The following ETV7 variants were observed in gnomAD, a reference collection of about 807,000 sequenced individuals.
The protein encoded by ETV7 is transcription factor ETV7.
Under a neutral mutation model 39.1 loss-of-function variants are expected in ETV7, and 43 were observed. The ratio of observed to expected loss-of-function variants is 1.10; its 90% confidence interval spans 0.86 to 1.42. The LOEUF is 1.42. Ranked by LOEUF, ETV7 falls within the 40% of genes most tolerant of loss-of-function variation. The pLI, the probability that ETV7 is intolerant of heterozygous loss-of-function variation, is 0.00. For synonymous variants in ETV7, 196 were observed against 176.6 expected (o/e 1.11, Z -0.87); for missense variants, 432 against 442.3 (o/e 0.98, Z 0.21).
At chr6:36,365,136 G>A (rs1474567789), downstream of ETV7, among the ~76,000 whole-genome samples, 1 of 152,198 alleles carries the variant, frequency 6.6e-6, no homozygotes, top group Non-Finnish European at 1.5e-5. Flanking sequence ...TTCTGAGAAA[G>A]AAGATATGAA....
At chr6:36,372,667 A>G (rs936346755) in intron 4 of ETV7, among the ~76,000 whole-genome samples, 1 of 137,814 alleles carries the variant, frequency 7.3e-6, no homozygotes, top group South Asian at 2.7e-4. Flanking sequence ...CATCTGAGCA[A>G]TTGGAAGGGT....
intron 4 of ETV7, among the ~76,000 whole-genome samples, chr6:36,372,707 C>T (rs1773093357): frequency 7.2e-6 from 1 of 139,044 alleles, no homozygotes; most frequent in Non-Finnish European, 1.5e-5. Context: ...CTGGGGAAGA[C>T]TGGAAAGGGC....
chr6:36,373,793 G>A (rs1467565023), intron 3 of ETV7, among the ~76,000 whole-genome samples: 1 of 152,252 alleles, frequency 6.6e-6, no homozygotes, highest in Non-Finnish European at 1.5e-5. Flanking sequence ...ATTTTAGAAA[G>A]ACATCCTTTC....
At chr6:36,372,629 TG>T (rs1773088645) in intron 4 of ETV7, among the ~76,000 whole-genome samples, 1 of 92,562 alleles carries the variant, frequency 1.1e-5, no homozygotes, top group Non-Finnish European at 2.2e-5. Context: ...TTGGGATGAG[TG>T]GGGGTGGGGG....
chr6:36,373,571 G>A lies in ETV7; in HGVS notation c.315C>T (p.Val105=). 3.1e-6 allele frequency: 2 copies of A among 645,774 alleles called. No individual in the cohort carries two copies. Among genetic ancestry groups the A allele is most frequent in the Non-Finnish European group, 5.0e-6 (2 of 402,050 alleles). 40.0% of individuals were successfully genotyped at this position (645,774 alleles called of 1,614,324 possible). A position where few individuals can be genotyped will look rare whatever the true frequency, so the allele number is the denominator to read the frequency against. The change falls in exon 4 of 8, where the codon GTC becomes GTT. Residue 105 remains valine, a synonymous_variant. Coordinates refer to ENST00000340181, the MANE Select transcript of ETV7 (RefSeq NM_016135.4). ...FRHRAPSSGD[V]LYELLQYIKT... ...TGATGTACTGGAGCAGCTCATACAGGACGTCACCTGGAGGTGGGTGGGAGG... is the reference window on the plus strand; with the variant it reads ...TGATGTACTGGAGCAGCTCATACAGAACGTCACCTGGAGGTGGGTGGGAGG...
At chr6:36,375,083 A>G (rs1482412133) in intron 3 of ETV7, among the ~76,000 whole-genome samples, 1 of 151,124 alleles carries the variant, frequency 6.6e-6, no homozygotes, top group Non-Finnish European at 1.5e-5. Context: ...AAAAAAAAAA[A>G]AGAACTTGGG....
rs746819841 is a variant in ETV7, at chr6:36,368,975, C to T, written c.761G>A (p.Arg254Gln). 5 of 1,614,132 alleles carry T rather than the reference C, an allele frequency of 3.1e-6. No homozygotes were observed. The East Asian group carries it at 6.7e-5, about 22-fold the overall frequency. Residue 254 changes from arginine (R) to glutamine (Q), a missense_variant, in exon 6 of 8, where the codon CGA becomes CAA. Coordinates refer to ENST00000340181, the MANE Select transcript of ETV7 (RefSeq NM_016135.4). ...GGCGAGCCCATTTGGATCCACAACT[C>T]GGAAGATCTTGGCGTCCTTGTCTTC... The part of the protein sequence containing the change: ...KWEDKDAKIF[R>Q]VVDPNGLARL...
chr6:36,363,416 G>A (rs992767807), downstream of ETV7, among the ~76,000 whole-genome samples: 19 of 151,832 alleles, frequency 1.3e-4, no homozygotes, highest in African/African-American at 4.4e-4. Context: ...CAGGAGTGAA[G>A]CTGCAGACCT....
At chr6:36,378,301 C>T (rs1050040587) in intron 2 of ETV7, among the ~76,000 whole-genome samples, 3 of 149,336 alleles carry the variant, frequency 2.0e-5, no homozygotes, top group Non-Finnish European at 3.0e-5. Context: ...TCCTCACCTC[C>T]CACCATTCAC....
In ETV7 at chr6:36,366,913, A is replaced by T. The variant is rs1772753336; in HGVS notation, c.870T>A (p.Asn290Lys). Residue 290 changes from asparagine to lysine, a missense_variant, in exon 7 of 8, where the codon AAT becomes AAA. Physicochemically the swap from Asn to Lys is moderately conservative, Grantham distance 94. Transcript: ENST00000340181. The part of the protein sequence containing the change: ...SRALRHYYKL[N>K]IIKKEPGQKL... The stretch of plus-strand genomic sequence containing the variant: ...TCTGCCCCGGTTCCTTCTTAATGAT[A>T]TTAAGCTTATAATAGTGGCGCAGGG... 5.6e-6 allele frequency: 9 copies of T among 1,613,868 alleles called. No individual in the cohort carries two copies. The highest frequency in any genetic ancestry group is 7.6e-6 in the Non-Finnish European group (9 of 1,179,976).
At chr6:36,380,381 G>A (rs1328021484) in intron 2 of ETV7, among the ~76,000 whole-genome samples, 2 of 152,210 alleles carry the variant, frequency 1.3e-5, no homozygotes, top group African/African-American at 2.4e-5. Flanking sequence ...CCAGGCAAAT[G>A]TCACCTCACT....
intron 2 of ETV7, among the ~76,000 whole-genome samples, chr6:36,382,303 A>T (rs866349106): frequency 9.2e-5 from 14 of 152,348 alleles, no homozygotes; most frequent in African/African-American, 2.6e-4. Context: ...TTCAATTTTT[A>T]AAAATATTTA....
At chr6:36,370,944 C>T (rs1582188063) in intron 5 of ETV7, among the ~76,000 whole-genome samples, 1 of 152,274 alleles carries the variant, frequency 6.6e-6, no homozygotes, top group Non-Finnish European at 1.5e-5. Context: ...TGAAATGGGG[C>T]TAATAATAGT....
chr6:36,358,150 C>T (rs951612393), intron 7 of ETV7, among the ~76,000 whole-genome samples: 7 of 152,220 alleles, frequency 4.6e-5, no homozygotes, highest in Middle Eastern at 3.2e-3. Context: ...CTAACTGATA[C>T]AGTAGCTGCA....
chr6:36,369,158 C>G, intron 5 of ETV7, 87 bp from the exon 6 acceptor site: 1 of 1,508,230 alleles, frequency 6.6e-7, no homozygotes, highest in Admixed American at 1.8e-5. Flanking sequence ...GGAAGCCTCC[C>G]GGCCAGAGCC....
intron 3 of ETV7, among the ~76,000 whole-genome samples, 193 bp from the exon 4 acceptor site, chr6:36,373,771 C>T (rs1014598524): frequency 1.3e-5 from 2 of 152,222 alleles, no homozygotes; most frequent in Non-Finnish European, 2.9e-5. Context: ...CTGCTGCTCC[C>T]GTGGTGGATG....
chr6:36,357,296 A>C (rs1300512581), intron 7 of ETV7, among the ~76,000 whole-genome samples: 1 of 152,180 alleles, frequency 6.6e-6, no homozygotes, highest in Non-Finnish European at 1.5e-5. Context: ...AGGAGAACAC[A>C]GCCAACCTGT....
chr6:36,363,437 T>C (rs1772594154), downstream of ETV7, among the ~76,000 whole-genome samples: 1 of 150,190 alleles, frequency 6.7e-6, no homozygotes. Context: ...TCACGGTGAG[T>C]GTTACAGCTC....
chr6:36,383,631 T>C (rs1330817797), intron 2 of ETV7, among the ~76,000 whole-genome samples: 2 of 152,192 alleles, frequency 1.3e-5, no homozygotes, highest in Admixed American at 6.5e-5. Context: ...TTTAGGAAAC[T>C]GGGCTGAGAT....
Sources: gnomAD v4.1 joint callset for allele counts (sites outside exome capture counted in the v4.1 genomes callset) on GRCh38, gnomAD v4.1.1 for gene constraint, MANE v1.5 for transcripts, NCBI Gene and HGNC (gene_info 2026-07-23, HGNC 2026-07-21) for gene names.